The following TRPC6 variants were observed in gnomAD, a reference collection of about 807,000 sequenced individuals.
TRPC6 encodes short transient receptor potential channel 6.
In TRPC6, 55 loss-of-function variants were observed where a neutral mutation model predicts 90.7. The ratio of observed to expected loss-of-function variants is 0.61; its 90% confidence interval spans 0.49 to 0.76. The LOEUF (loss-of-function observed/expected upper bound fraction) is 0.76. TRPC6 is among the 30% of genes least tolerant of loss of function. The pLI is 0.00. For synonymous variants in TRPC6, 393 were observed against 393.0 expected (o/e 1.00, Z 0.00); for missense variants, 989 against 1,122.7 (o/e 0.88, Z 1.70).
At position 101,471,397 on chromosome 11, in the gene TRPC6, A is replaced by G. The variant is rs201930794; in HGVS notation, c.2206-11T>C. Reference sequence around the variant, plus strand: ...CACATCAGCGTCATCCTATACAAATACACATGACAGTTCAGCAAGGAAATG... The same window carrying G: ...CACATCAGCGTCATCCTATACAAATGCACATGACAGTTCAGCAAGGAAATG... On this transcript the variant is annotated splice_polypyrimidine_tract_variant and intron_variant, in intron 8 of 12. Transcript: ENST00000344327. 11 of 1,613,450 alleles carry G rather than the reference A, an allele frequency of 6.8e-6. No individual in the cohort carries two copies. The highest frequency in any genetic ancestry group is 1.3e-5 in the African/African-American group (1 of 74,888).
At chr11:101,536,657 C>A (rs950239808) in intron 1 of TRPC6, among the ~76,000 whole-genome samples, 3 of 151,958 alleles carry the variant, frequency 2.0e-5, no homozygotes, top group Non-Finnish European at 2.9e-5. Context: ...GTTTGAGGAG[C>A]CAAAAGTCCA....
chr11:101,474,452 G>A (rs987112826), intron 6 of TRPC6, among the ~76,000 whole-genome samples: 2 of 152,074 alleles, frequency 1.3e-5, no homozygotes, highest in Non-Finnish European at 2.9e-5. Context: ...ACAAAACAGT[G>A]TGTAAGAAAG....
chr11:101,453,196 T>A, intron 12 of TRPC6, 90 bp from the exon 13 acceptor site: 1 of 1,249,086 alleles, frequency 8.0e-7, no homozygotes, highest in Non-Finnish European at 1.2e-6. Flanking sequence ...CAGCTCTAAT[T>A]TCACACACAA....
intron 12 of TRPC6, 60 bp from the exon 13 acceptor site, chr11:101,453,166 A>T: frequency 6.6e-7 from 1 of 1,507,882 alleles, no homozygotes; most frequent in Non-Finnish European, 9.2e-7. Flanking sequence ...AAAACTAGTG[A>T]CTGTGGGACA....
chr11:101,583,692 A>C lies in TRPC6; in HGVS notation c.-189T>G. The stretch of plus-strand genomic sequence containing the variant: ...AGTGGCTCGCCCACTGGCCCGGGGA[A>C]AAGTCACCACTTAAGGGGGTGCAAA... On this transcript the variant is annotated 5_prime_UTR_variant, in exon 1 of 13. Coordinates refer to ENST00000344327, the MANE Select transcript of TRPC6 (RefSeq NM_004621.6). 1 of 561,430 alleles carries C rather than the reference A, an allele frequency of 1.8e-6. No individual in the cohort carries two copies. The highest frequency in any genetic ancestry group is 3.3e-5 in the South Asian group (1 of 30,228). 34.8% of individuals were successfully genotyped at this position (561,430 alleles called of 1,614,324 possible).
Position 101,491,540 on chromosome 11 carries a change from TC to T in TRPC6, c.1128+15del, listed in dbSNP as rs752480119. 94 of 1,613,358 alleles carry T rather than the reference TC, an allele frequency of 5.8e-5. No individual in the cohort carries two copies. Among genetic ancestry groups the T allele is most frequent in the Non-Finnish European group, 7.9e-5 (93 of 1,179,668 alleles). On this transcript the variant is annotated intron_variant, in intron 3 of 12. Coordinates refer to ENST00000344327, the MANE Select transcript of TRPC6 (RefSeq NM_004621.6). ...AGAACCAAAATAATGTAAACGGGCT[TC>T]ACGCCTGACCTTACTTTTTTTACTT...
At chr11:101,575,543 G>C (rs1200406393) in intron 1 of TRPC6, among the ~76,000 whole-genome samples, 1 of 152,106 alleles carries the variant, frequency 6.6e-6, no homozygotes, top group Non-Finnish European at 1.5e-5. Context: ...TTGTGATACG[G>C]ATTAAATGAG....
chr11:101,470,114 C>A (rs1194009767), intron 9 of TRPC6, among the ~76,000 whole-genome samples: 1 of 152,132 alleles, frequency 6.6e-6, no homozygotes, highest in Admixed American at 6.5e-5. Flanking sequence ...AAGGAAAAAT[C>A]TTCAATACAT....
At chr11:101,582,324 AT>A (rs770850321) in intron 1 of TRPC6, among the ~76,000 whole-genome samples, 2 of 152,116 alleles carry the variant, frequency 1.3e-5, no homozygotes, top group Non-Finnish European at 2.9e-5. Context: ...CCAGGCGCCT[AT>A]GGGGTGGAAT....
chr11:101,476,433 C>A lies in TRPC6; in HGVS notation c.1612G>T (p.Ala538Ser). ...MLDFGMLAIFAASFIARFMAF... is the reference protein window; with the variant it reads ...MLDFGMLAIFSASFIARFMAF... Reference sequence around the variant, plus strand: ...ATGAATCTCGCAATGAATGATGCTGCGAAAATTGCTAACATACCAAAATCA... The same window carrying A: ...ATGAATCTCGCAATGAATGATGCTGAGAAAATTGCTAACATACCAAAATCA... The change falls in exon 6 of 13, where the codon GCA (alanine) becomes TCA (serine). Residue 538 changes from alanine to serine, a missense_variant. Coordinates refer to ENST00000344327, the MANE Select transcript of TRPC6 (RefSeq NM_004621.6). 3 of 1,614,028 alleles carry A rather than the reference C, an allele frequency of 1.9e-6. No individual in the cohort carries two copies. The highest frequency in any genetic ancestry group is 1.3e-5 in the African/African-American group (1 of 75,022).
chr11:101,499,325 A>G (rs2136725449), intron 2 of TRPC6, among the ~76,000 whole-genome samples: 1 of 152,180 alleles, frequency 6.6e-6, no homozygotes. Flanking sequence ...GCAGAACTCA[A>G]AATTTTTACA....
chr11:101,511,651 CT>C (rs1418408434), intron 1 of TRPC6, among the ~76,000 whole-genome samples: 1 of 152,072 alleles, frequency 6.6e-6, no homozygotes, highest in African/African-American at 2.4e-5. Context: ...TAATGGCATC[CT>C]TGTGACTTGT....
At chr11:101,524,292 A>C (rs932561703) in intron 1 of TRPC6, among the ~76,000 whole-genome samples, 35 of 152,202 alleles carry the variant, frequency 2.3e-4, no homozygotes, top group African/African-American at 8.2e-4. Flanking sequence ...TCTGTCACCC[A>C]GGCTGGAGTG....
At chr11:101,488,016 G>GA (rs1324141976) in intron 4 of TRPC6, among the ~76,000 whole-genome samples, 2 of 152,154 alleles carry the variant, frequency 1.3e-5, no homozygotes, top group Non-Finnish European at 2.9e-5. Flanking sequence ...ACGAATGTTT[G>GA]AAAATGAATC....
chr11:101,558,962 TG>T (rs564370453), intron 1 of TRPC6, among the ~76,000 whole-genome samples: 53 of 152,234 alleles, frequency 3.5e-4, no homozygotes, highest in South Asian at 1.0e-3. Context: ...ATCTAGGCAA[TG>T]TTTTTTTTGG....
At chr11:101,547,916 C>G (rs558059734) in intron 1 of TRPC6, among the ~76,000 whole-genome samples, 2 of 152,198 alleles carry the variant, frequency 1.3e-5, no homozygotes, top group East Asian at 3.9e-4. Flanking sequence ...GACTACTAGA[C>G]AATTCTGACA....
chr11:101,529,436 G>A lies in TRPC6; in HGVS notation c.171-24638C>T, dbSNP rs571725158. ...AAATTGCCTAGATAAAAGCACGAGC[G>A]TGCACTGAGTGATCTCTTGCCCTTT... On this transcript the variant is annotated intron_variant, in intron 1 of 12. Transcript: ENST00000344327. 6.6e-5 allele frequency among the ~76,000 whole-genome samples: 10 copies of A among 152,296 alleles called. 1 individual carries two copies. The South Asian group carries it at 1.5e-3, about 22-fold the overall frequency.
At chr11:101,550,539 T>C (rs906216832) in intron 1 of TRPC6, among the ~76,000 whole-genome samples, 2 of 151,688 alleles carry the variant, frequency 1.3e-5, no homozygotes, top group Non-Finnish European at 3.0e-5. Context: ...AAACACACAG[T>C]AGTGTTTTTA....
chr11:101,542,090 A>G (rs1861185853), intron 1 of TRPC6, among the ~76,000 whole-genome samples: 1 of 149,740 alleles, frequency 6.7e-6, no homozygotes, highest in Admixed American at 6.7e-5. Context: ...AAATTTTTTT[A>G]ATAATTGAAA....
Sources: allele counts gnomAD v4.1 joint callset (sites outside exome capture counted in the v4.1 genomes callset), GRCh38; gene constraint gnomAD v4.1.1; transcripts MANE v1.5; gene names NCBI Gene and HGNC (gene_info 2026-07-23, HGNC 2026-07-21).